CEMIP: variants seen among roughly 807,000 people sequenced by gnomAD.
The protein encoded by CEMIP is cell migration inducing hyaluronidase 1, also known as cell migration-inducing and hyaluronan-binding protein.
Under a neutral mutation model 156.9 loss-of-function variants are expected in CEMIP, and 105 were observed. That is an observed-to-expected ratio of 0.67 (90% CI 0.57 to 0.79). The LOEUF is 0.79. Ranked by LOEUF, CEMIP falls within the 30% of genes least tolerant of loss-of-function variation. The pLI, the probability that CEMIP is intolerant of heterozygous loss-of-function variation, is 0.00. For missense variants in CEMIP, 1,457 were observed against 1,769.4 expected, an observed-to-expected ratio of 0.82 and a Z score of 3.17; for synonymous variants, 676 against 668.4, an observed-to-expected ratio of 1.01 and a Z score of -0.17.
intron 12 of CEMIP, among the ~76,000 whole-genome samples, chr15:80,904,763 C>G (rs1596177700): frequency 1.3e-5 from 2 of 152,146 alleles, no homozygotes; most frequent in East Asian, 3.9e-4. Context: ...CATGAGGAAC[C>G]AGCCCTGTTG....
At chr15:80,855,630 C>T (rs58422705) in intron 1 of CEMIP, among the ~76,000 whole-genome samples, 4,785 of 152,144 alleles carry the variant, frequency 0.031, 245 homozygotes, top group African/African-American at 0.11. Flanking sequence ...CTGGGTTCAG[C>T]TCCTGTCTCG....
intron 8 of CEMIP, among the ~76,000 whole-genome samples, chr15:80,888,134 G>A (rs1021915730): frequency 1.6e-4 from 24 of 152,054 alleles, no homozygotes; most frequent in African/African-American, 7.2e-5. Flanking sequence ...AGGCCGAGGC[G>A]GGTGGATCAC....
intron 10 of CEMIP, among the ~76,000 whole-genome samples, chr15:80,890,040 T>A (rs1898983907): frequency 6.6e-6 from 1 of 152,212 alleles, no homozygotes; most frequent in African/African-American, 2.4e-5. Flanking sequence ...GAATGGACAG[T>A]GTTTGCTCAA....
At chr15:80,837,531 A>G (rs1400220172) in intron 1 of CEMIP, among the ~76,000 whole-genome samples, 3 of 152,220 alleles carry the variant, frequency 2.0e-5, no homozygotes, top group African/African-American at 7.2e-5. Context: ...CCAGAAACAT[A>G]CAGTCAAAAC....
At chr15:80,909,792 T>C (rs968121547) in intron 14 of CEMIP, 3 of 363,872 alleles carry the variant, frequency 8.2e-6, no homozygotes, top group African/African-American at 4.3e-5. Flanking sequence ...TTGGCATGTG[T>C]ATCAGAGGCT....
chr15:80,866,482 C>A (rs958250287), intron 1 of CEMIP, among the ~76,000 whole-genome samples: 1 of 152,060 alleles, frequency 6.6e-6, no homozygotes, highest in Non-Finnish European at 1.5e-5. Flanking sequence ...ATCCCAGCTA[C>A]TGGGGAGGCT....
chr15:80,872,214 C>T (rs1174704291), intron 1 of CEMIP, among the ~76,000 whole-genome samples: 1 of 152,184 alleles, frequency 6.6e-6, no homozygotes. Context: ...TAGATTTTGG[C>T]CCTTTTCTCA....
chr15:80,915,969 G>A (rs1182244567), intron 14 of CEMIP, among the ~76,000 whole-genome samples: 4 of 152,164 alleles, frequency 2.6e-5, no homozygotes, highest in African/African-American at 7.2e-5. Flanking sequence ...TTATAACATG[G>A]CTGTATTTGT....
intron 1 of CEMIP, among the ~76,000 whole-genome samples, chr15:80,856,672 C>A (rs1897859695): frequency 6.6e-6 from 1 of 152,126 alleles, no homozygotes; most frequent in Non-Finnish European, 1.5e-5. Context: ...AGCTCCCTGG[C>A]CCTGGGTAAG....
intron 1 of CEMIP, among the ~76,000 whole-genome samples, chr15:80,826,617 G>A (rs1045524393): frequency 1.3e-5 from 2 of 152,178 alleles, no homozygotes; most frequent in African/African-American, 4.8e-5. Flanking sequence ...TCAAATTGCA[G>A]AGCCTCCACC....
rs150795336 is a variant in CEMIP, at chr15:80,887,092, G to C, written c.798-602G>C. Among the ~76,000 whole-genome samples, 190 of 152,328 alleles carry C rather than the reference G, an allele frequency of 1.2e-3. 1 individual carries two copies. The highest frequency in any genetic ancestry group is 4.2e-3 in the African/African-American group (176 of 41,574). ...AAACAAAATGGGGTAAGAAAACCTT[G>C]CTGCCCTAAAGCAGCACGTGCTTTC... is the stretch of plus-strand genomic sequence containing the variant. On this transcript the variant is annotated intron_variant, in intron 7 of 29. Coordinates refer to ENST00000394685, the MANE Select transcript of CEMIP (RefSeq NM_001293298.2).
At chr15:80,865,130 G>T (rs1376819617) in intron 1 of CEMIP, among the ~76,000 whole-genome samples, 1 of 152,148 alleles carries the variant, frequency 6.6e-6, no homozygotes, top group Non-Finnish European at 1.5e-5. Context: ...TATACAAGCT[G>T]TGGAGGACTT....
intron 29 of CEMIP, chr15:80,948,304 C>T (rs974728917): frequency 6.0e-5 from 14 of 235,290 alleles, no homozygotes; most frequent in Non-Finnish European, 8.6e-5. Context: ...CTGGGGTGCA[C>T]CATTTACTCC....
intron 12 of CEMIP, among the ~76,000 whole-genome samples, chr15:80,904,306 T>A (rs1357504629): frequency 6.6e-6 from 1 of 152,178 alleles, no homozygotes; most frequent in Non-Finnish European, 1.5e-5. Context: ...CAGGAGGATT[T>A]TTTGAGCCCA....
At chr15:80,864,534 C>T (rs1898072807) in intron 1 of CEMIP, among the ~76,000 whole-genome samples, 3 of 152,206 alleles carry the variant, frequency 2.0e-5, no homozygotes, top group Admixed American at 2.0e-4. Flanking sequence ...GGCCCGTGTA[C>T]CACACACATC....
chr15:80,879,525 G>C (rs1898573116), intron 4 of CEMIP, among the ~76,000 whole-genome samples, 191 bp from the exon 5 acceptor site: 1 of 152,174 alleles, frequency 6.6e-6, no homozygotes, highest in Admixed American at 6.5e-5. Context: ...GGAGGTGCTG[G>C]AACCAATTCC....
At chr15:80,799,405 GGA>G (rs1191853448) in intron 1 of CEMIP, among the ~76,000 whole-genome samples, 1 of 152,206 alleles carries the variant, frequency 6.6e-6, no homozygotes, top group East Asian at 1.9e-4. Flanking sequence ...GGCCACACTG[GGA>G]CTCCCACTTG....
chr15:80,943,026 C>T lies in CEMIP; in HGVS notation c.3781C>T (p.His1261Tyr), dbSNP rs768391358. The change falls in exon 28 of 30, where the codon CAC becomes TAC. Residue 1261 changes from histidine to tyrosine, a missense_variant. Coordinates refer to ENST00000394685, the MANE Select transcript of CEMIP (RefSeq NM_001293298.2). ...IDGNQGRVVSHTSFRNSILQG... is the reference protein window; with the variant it reads ...IDGNQGRVVSYTSFRNSILQG... ...CGGGAACCAAGGGCGCGTGGTGAGC[C>T]ACACGAGCTTCAGGAACTCCATTCT... is the stretch of plus-strand genomic sequence containing the variant. 17 of 1,614,112 alleles carry T rather than the reference C, an allele frequency of 1.1e-5. No individual in the cohort carries two copies. Among genetic ancestry groups the T allele is most frequent in the East Asian group, 2.2e-5 (1 of 44,896 alleles).
intron 1 of CEMIP, among the ~76,000 whole-genome samples, chr15:80,802,583 G>A (rs1896405962): frequency 6.6e-6 from 1 of 152,256 alleles, no homozygotes; most frequent in Non-Finnish European, 1.5e-5. Flanking sequence ...GCGTGGGCTG[G>A]CGAGAGCAGT....
Sources: gnomAD v4.1 joint callset for allele counts (sites outside exome capture counted in the v4.1 genomes callset) on GRCh38, gnomAD v4.1.1 for gene constraint, MANE v1.5 for transcripts, NCBI Gene and HGNC (gene_info 2026-07-23, HGNC 2026-07-21) for gene names.